VANGL1: variants seen among roughly 807,000 people sequenced by gnomAD.
The protein encoded by VANGL1 is VANGL planar cell polarity protein 1.
In VANGL1, 18 loss-of-function variants were observed where a neutral mutation model predicts 48.4. The observed-to-expected ratio is 0.37, with a 90% CI of 0.26 to 0.55. The LOEUF (loss-of-function observed/expected upper bound fraction) is 0.55. VANGL1 is among the 20% of genes least tolerant of loss of function. VANGL1 has a pLI of 0.81. For synonymous variants in VANGL1, 257 were observed against 261.8 expected, an observed-to-expected ratio of 0.98 and a Z score of 0.18; for missense variants, 667 against 675.8, an observed-to-expected ratio of 0.99 and a Z score of 0.14.
chr1:115,688,022 A>G (rs1653700278), intron 7 of VANGL1, among the ~76,000 whole-genome samples: 1 of 134,890 alleles, frequency 7.4e-6, no homozygotes, highest in African/African-American at 2.8e-5. Context: ...AGATACATAG[A>G]TATATACATA....
chr1:115,656,556 TA>T (rs1250406926), intron 2 of VANGL1, among the ~76,000 whole-genome samples: 1 of 152,250 alleles, frequency 6.6e-6, no homozygotes, highest in African/African-American at 2.4e-5. Context: ...AAGAGGTTTT[TA>T]AAGTTTAAGA....
rs541705788 is a variant in VANGL1 at position 115,686,987 on chromosome 1, T to C, written c.1314+1460T>C. On this transcript the variant is annotated intron_variant, in intron 7 of 7. Transcript: ENST00000355485. Reference sequence around the variant, plus strand: ...GTAGATGAGCTTGGCATGTGGTACATGTGTAACATTTGGTAGCTGTTTTTT... The same window carrying C: ...GTAGATGAGCTTGGCATGTGGTACACGTGTAACATTTGGTAGCTGTTTTTT... Among the ~76,000 whole-genome samples the C allele has an allele frequency of 1.5e-3, 200 of 134,948 alleles. 40 individuals are homozygous for C. The highest frequency in any genetic ancestry group is 2.3e-3 in the South Asian group (9 of 3,856). The allele number at this position is 134,948 out of a possible 152,430, so 88.5% of individuals were successfully genotyped here. A position where few individuals can be genotyped will look rare whatever the true frequency, so the allele number is the denominator to read the frequency against.
intron 6 of VANGL1, 88 bp downstream of exon 6, chr1:115,684,164 A>C: frequency 1.6e-6 from 2 of 1,274,702 alleles, no homozygotes; most frequent in Non-Finnish European, 2.0e-6. Context: ...TTAGAGACAG[A>C]ATCTCACTCT....
intron 4 of VANGL1, among the ~76,000 whole-genome samples, chr1:115,670,658 G>A (rs113869530): frequency 6.6e-6 from 1 of 152,132 alleles, no homozygotes; most frequent in South Asian, 2.1e-4. Context: ...GAGCACCAAC[G>A]GTCTCTGAGA....
chr1:115,647,075 T>C (rs903158019), intron 1 of VANGL1, among the ~76,000 whole-genome samples: 1 of 152,204 alleles, frequency 6.6e-6, no homozygotes, highest in African/African-American at 2.4e-5. Context: ...ATTTTTGTAT[T>C]TTATTTAAAG....
chr1:115,676,291 T>C (rs1029363328), intron 4 of VANGL1, among the ~76,000 whole-genome samples: 1 of 152,112 alleles, frequency 6.6e-6, no homozygotes, highest in Admixed American at 6.5e-5. Context: ...TTCAGGAGGC[T>C]GAGAGTTGGC....
At chr1:115,650,838 A>G (rs1652112517) in intron 1 of VANGL1, among the ~76,000 whole-genome samples, 1 of 151,292 alleles carries the variant, frequency 6.6e-6, no homozygotes, top group African/African-American at 2.4e-5. Flanking sequence ...AAGATTGAAG[A>G]TCTTTTTTTT....
chr1:115,662,848 A>G (rs970952895), intron 3 of VANGL1, among the ~76,000 whole-genome samples: 9 of 149,086 alleles, frequency 6.0e-5, no homozygotes, highest in South Asian at 2.1e-4. Context: ...GTACAGTGGC[A>G]CGATCTCAGC....
chr1:115,679,984 A>AGTGTGTGTGT (rs768501546), intron 4 of VANGL1, among the ~76,000 whole-genome samples: 6 of 137,410 alleles, frequency 4.4e-5, no homozygotes, highest in Admixed American at 7.3e-5. Flanking sequence ...CACACCAGGG[A>AGTGTGTGTGT]GTGTGTGTGT....
intron 4 of VANGL1, among the ~76,000 whole-genome samples, chr1:115,679,130 C>T (rs1208346946): frequency 6.6e-6 from 1 of 152,210 alleles, no homozygotes; most frequent in Non-Finnish European, 1.5e-5. Flanking sequence ...AGAGCATGCA[C>T]ACTCTTGGAG....
At chr1:115,661,252 C>G (rs1652535574) in intron 3 of VANGL1, among the ~76,000 whole-genome samples, 1 of 152,100 alleles carries the variant, frequency 6.6e-6, no homozygotes, top group African/African-American at 2.4e-5. Flanking sequence ...GAACCTGAAG[C>G]TTAACAGGAT....
At position 115,691,452 on chromosome 1, in the gene VANGL1, G is replaced by C; in HGVS notation, c.*73G>C. On this transcript the variant is annotated 3_prime_UTR_variant, in exon 8 of 8. Transcript: ENST00000355485. Reference sequence around the variant, plus strand: ...AGAGATATATATCTATGCCAGAGGGGTGTCTTTTTTAAAAATTCTTCTTCA... The same window carrying C: ...AGAGATATATATCTATGCCAGAGGGCTGTCTTTTTTAAAAATTCTTCTTCA... The C allele has an allele frequency of 3.4e-6, 5 of 1,488,666 alleles. 1 individual carries two copies. The South Asian group carries it at 6.6e-5, about 20-fold the overall frequency. 92.2% of individuals were successfully genotyped at this position (1,488,666 alleles called of 1,614,324 possible). A position where few individuals can be genotyped will look rare whatever the true frequency, so the allele number is the denominator to read the frequency against.
rs749871077 is a variant in VANGL1, at chr1:115,688,005, CATAG to C, written c.1314+2486_1314+2489del. 3.7e-5 allele frequency among the ~76,000 whole-genome samples: 5 copies of C among 133,600 alleles called. 1 individual carries two copies. Among genetic ancestry groups the C allele is most frequent in the Non-Finnish European group, 8.1e-5 (5 of 61,764 alleles). The allele number at this position is 133,600 out of a possible 152,430, so 87.6% of individuals were successfully genotyped here. ...AGATAGATAGACACATAGATAGATA[CATAG>C]ATAGATACATAGATATATACATAGA... On this transcript the variant is annotated intron_variant, in intron 7 of 7. Transcript: ENST00000355485.
In VANGL1 at chr1:115,698,144, C is replaced by T. The variant is rs907464167; in HGVS notation, c.*6765C>T. ...GGGTCCTCCAGTATAATCCCCCCCT[C>T]ATCCCAATTAACTGTAAAATGTTTT... On this transcript the variant is annotated 3_prime_UTR_variant, in exon 8 of 8. Transcript: ENST00000355485. 6.6e-6 allele frequency: 1 copy of T among 151,712 alleles called. No individual in the cohort carries two copies. Among genetic ancestry groups the T allele is most frequent in the Non-Finnish European group, 1.5e-5 (1 of 67,960 alleles). 9.4% of individuals were successfully genotyped at this position (151,712 alleles called of 1,614,324 possible).
At chr1:115,688,003 T>TAGATAGATAGAC (rs1396270406) in intron 7 of VANGL1, among the ~76,000 whole-genome samples, 1 of 119,826 alleles carries the variant, frequency 8.3e-6, no homozygotes, top group Non-Finnish European at 1.8e-5. Context: ...CATAGATAGA[T>TAGATAGATAGAC]ACATAGATAG....
In VANGL1 at chr1:115,663,722, A is replaced by C. The variant is rs765933692; in HGVS notation, c.266A>C (p.Gln89Pro). The C allele has an allele frequency of 6.2e-7, 1 of 1,614,206 alleles. No individual in the cohort carries two copies. Among genetic ancestry groups the C allele is most frequent in the South Asian group, 1.1e-5 (1 of 91,084 alleles). ...ITGTSEHSISQEDIARISKDM... is the reference protein window; with the variant it reads ...ITGTSEHSISPEDIARISKDM... ...GGCACCTCGGAGCACAGCATATCCC[A>C]AGAGGACATTGCCAGGATCAGCAAG... is the stretch of plus-strand genomic sequence containing the variant. The change falls in exon 4 of 8, where the codon CAA becomes CCA. Residue 89 changes from glutamine (Q) to proline (P), a missense_variant. Transcript: ENST00000355485.
At chr1:115,689,233 T>C (rs1299455274) in intron 7 of VANGL1, among the ~76,000 whole-genome samples, 1 of 138,330 alleles carries the variant, frequency 7.2e-6, no homozygotes, top group Non-Finnish European at 1.6e-5. Flanking sequence ...GCTGTATTTA[T>C]ATTAGAAGTG....
At chr1:115,681,619 G>A (rs995797865) in intron 4 of VANGL1, among the ~76,000 whole-genome samples, 2 of 148,714 alleles carry the variant, frequency 1.3e-5, no homozygotes, top group African/African-American at 2.5e-5. Flanking sequence ...TGATTCTCCC[G>A]TTTCAGCCTC....
At chr1:115,654,887 A>G (rs1183330444) in intron 2 of VANGL1, among the ~76,000 whole-genome samples, 1 of 152,184 alleles carries the variant, frequency 6.6e-6, no homozygotes, top group African/African-American at 2.4e-5. Context: ...GATGAAATCG[A>G]GGCACAGAGG....
Sources: allele counts gnomAD v4.1 joint callset (sites outside exome capture counted in the v4.1 genomes callset), GRCh38; gene constraint gnomAD v4.1.1; transcripts MANE v1.5; gene names NCBI Gene and HGNC (gene_info 2026-07-23, HGNC 2026-07-21).